SRCIN1: variants seen among roughly 807,000 people sequenced by gnomAD.
The protein encoded by SRCIN1 is P130Cas-associated protein.
Under a neutral mutation model 116.2 loss-of-function variants are expected in SRCIN1, and 50 were observed. The observed-to-expected ratio is 0.43, with a 90% CI of 0.34 to 0.54. SRCIN1 has a LOEUF of 0.54. Among genes scored for constraint, SRCIN1 ranks in the 20% least tolerant of loss-of-function variants. The pLI is 0.02. For synonymous variants in SRCIN1, 736 were observed against 750.0 expected (o/e 0.98, Z 0.30); for missense variants, 1,446 against 1,672.0 (o/e 0.86, Z 2.36).
rs779762192 is a variant in SRCIN1 at position 38,552,397 on chromosome 17, G to C, written c.2480+50C>G. On this transcript the variant is annotated intron_variant, in intron 13 of 18. Transcript: ENST00000617146. This position sits in a 1 kb window ranked among gnomAD's most constrained non-coding sequence, Gnocchi z 5.3. ...AGGGTTCAGTATGACCTATGGGTCT[G>C]GGCCCGGTGTGTGAACCCATGGGAA... The C allele has an allele frequency of 6.4e-7, 1 of 1,563,066 alleles. No individual in the cohort carries two copies. Among genetic ancestry groups the C allele is most frequent in the Non-Finnish European group, 8.6e-7 (1 of 1,156,716 alleles).
chr17:38,549,144 C>A lies in SRCIN1; in HGVS notation c.3029G>T (p.Arg1010Leu). 1 of 599,874 alleles carries A rather than the reference C, an allele frequency of 1.7e-6. No homozygotes were observed. Among genetic ancestry groups the A allele is most frequent in the Non-Finnish European group, 2.9e-6 (1 of 341,914 alleles). The allele number at this position is 599,874 out of a possible 1,614,324, so 37.2% of individuals were successfully genotyped here. A position where few individuals can be genotyped will look rare whatever the true frequency, so the allele number is the denominator to read the frequency against. ...GCCATGGGAGGAGGGGAAGCTCCGGCGGGGAGGGGGCGGTGGGGGCGACTT... is the reference window on the plus strand; with the variant it reads ...GCCATGGGAGGAGGGGAAGCTCCGGAGGGGAGGGGGCGGTGGGGGCGACTT... ...PSKSPPPPPP[R>L]RSFPSSHGLT... Residue 1010 changes from arginine to leucine, a missense_variant, in exon 16 of 19, where the codon CGC (arginine) becomes CTC (leucine). Coordinates refer to ENST00000617146, the MANE Select transcript of SRCIN1 (RefSeq NM_025248.3).
At chr17:38,594,069 T>C (rs1908583952) in intron 1 of SRCIN1, among the ~76,000 whole-genome samples, 2 of 152,178 alleles carry the variant, frequency 1.3e-5, no homozygotes, top group Admixed American at 1.3e-4. Context: ...AACATTCAGG[T>C]CTCAGAGGCC....
At chr17:38,551,514 C>A (rs748860413) in intron 14 of SRCIN1, 125 bp from the exon 15 acceptor site, 2 of 851,150 alleles carry the variant, frequency 2.3e-6, no homozygotes, top group Non-Finnish European at 3.6e-6. Flanking sequence ...TTTGATCCCA[C>A]CTCCAGGAAG....
Position 38,558,301 on chromosome 17 carries a change from C to G in SRCIN1, c.2127G>C (p.Gln709His), listed in dbSNP as rs1448079261. 1.9e-6 allele frequency: 3 copies of G among 1,611,844 alleles called. No individual in the cohort carries two copies. The highest frequency in any genetic ancestry group is 2.2e-5 in the East Asian group (1 of 44,870). The change falls in exon 11 of 19, where the codon CAG (glutamine) becomes CAC (histidine). Residue 709 changes from glutamine to histidine, a missense_variant. Gln to His is a conservative substitution (Grantham distance 24). Transcript: ENST00000617146. This position sits in a 1 kb window ranked among gnomAD's most constrained non-coding sequence, Gnocchi z 4.6. ...CCTCTTCCACCAGGGTGCGCTGCCG[C>G]TGCAGCGGGTCCTCCTGCCGCCGCG... is the stretch of plus-strand genomic sequence containing the variant. The part of the protein sequence containing the change: ...EAARRQEDPL[Q>H]RQRTLVEEER...
chr17:38,554,073 T>C (rs1416308293), intron 11 of SRCIN1, among the ~76,000 whole-genome samples: 1 of 152,066 alleles, frequency 6.6e-6, no homozygotes, highest in Non-Finnish European at 1.5e-5. Context: ...TTGCTGGCCA[T>C]GGTGGCGTGC....
Position 38,563,303 on chromosome 17 carries a change from C to T in SRCIN1, c.740+20G>A. 2 of 1,552,402 alleles carry T rather than the reference C, an allele frequency of 1.3e-6. No homozygotes were observed. Among genetic ancestry groups the T allele is most frequent in the Non-Finnish European group, 1.7e-6 (2 of 1,146,252 alleles). On this transcript the variant is annotated intron_variant, in intron 5 of 18. Transcript: ENST00000617146. The surrounding 1 kb of genome is among the most constrained non-coding windows in gnomAD (Gnocchi z 5.8). ...GGAGCGTGGGGAAGCCCACCCAAAT[C>T]CCCCCCGGTCCACGCCCACCGGACG... is the stretch of plus-strand genomic sequence containing the variant.
At chr17:38,553,845 G>T (rs902427353) in intron 11 of SRCIN1, among the ~76,000 whole-genome samples, 1 of 152,108 alleles carries the variant, frequency 6.6e-6, no homozygotes, top group Admixed American at 6.5e-5. Context: ...CTCTGCCCTT[G>T]CCAGAGGAGA....
intron 18 of SRCIN1, chr17:38,543,207 C>T (rs1487752599): frequency 2.2e-6 from 1 of 456,652 alleles, no homozygotes; most frequent in Non-Finnish European, 4.4e-6. Context: ...AAGTGCCTCG[C>T]CCTGTCCCCA....
chr17:38,601,638 GCACACACACACA>G (rs35202404), intron 1 of SRCIN1, among the ~76,000 whole-genome samples: 4 of 137,784 alleles, frequency 2.9e-5, no homozygotes, highest in African/African-American at 5.2e-5. Context: ...ACACACACAC[GCACACACACACA>G]CACGCTCGCG....
chr17:38,550,138 C>A (rs1905290124), intron 15 of SRCIN1, among the ~76,000 whole-genome samples: 1 of 152,220 alleles, frequency 6.6e-6, no homozygotes, highest in Non-Finnish European at 1.5e-5. Context: ...TCATTTTGAG[C>A]CTATGTCCTT....
At chr17:38,593,861 A>AC (rs1332706412) in intron 1 of SRCIN1, among the ~76,000 whole-genome samples, 2 of 152,010 alleles carry the variant, frequency 1.3e-5, no homozygotes, top group Middle Eastern at 3.4e-3. Context: ...CCCGACTCCC[A>AC]CCCCCTACAC....
Position 38,552,013 on chromosome 17 carries a change from G to A in SRCIN1, c.2600C>T (p.Pro867Leu). The A allele has an allele frequency of 6.2e-7, 1 of 1,613,954 alleles. No homozygotes were observed. Among genetic ancestry groups the A allele is most frequent in the Non-Finnish European group, 8.5e-7 (1 of 1,179,896 alleles). ...SVDFEMPPPS[P>L]PLNLHELSGP... Reference sequence around the variant, plus strand: ...GCTCAGCTCATGCAGGTTCAGCGGGGGGCTGGGGGGTGGCATTTCGAAGTC... The same window carrying A: ...GCTCAGCTCATGCAGGTTCAGCGGGAGGCTGGGGGGTGGCATTTCGAAGTC... Residue 867 changes from proline (P) to leucine (L), a missense_variant, in exon 14 of 19, where the codon CCC becomes CTC. Around this residue, in one of 5 missense-constraint regions of SRCIN1, gnomAD observed 531 missense variants for 633.9 expected, o/e 0.84. Transcript: ENST00000617146. This position sits in a 1 kb window ranked among gnomAD's most constrained non-coding sequence, Gnocchi z 5.3.
intron 18 of SRCIN1, among the ~76,000 whole-genome samples, chr17:38,534,502 G>GA (rs1214102239): frequency 6.6e-6 from 1 of 152,162 alleles, no homozygotes; most frequent in Non-Finnish European, 1.5e-5. Context: ...TGTGAGAACT[G>GA]AATCACCCAG....
At chr17:38,605,251 C>T (rs1398837003) in intron 1 of SRCIN1, among the ~76,000 whole-genome samples, 1 of 151,048 alleles carries the variant, frequency 6.6e-6, no homozygotes, top group Admixed American at 6.6e-5. Context: ...TCTCCATCCC[C>T]TTCCCCTCCC....
chr17:38,590,117 G>A (rs569857638), intron 1 of SRCIN1, among the ~76,000 whole-genome samples: 1 of 152,294 alleles, frequency 6.6e-6, no homozygotes, highest in African/African-American at 2.4e-5. Flanking sequence ...CCCCTTCTGC[G>A]AAAGACACAA....
In SRCIN1 at chr17:38,543,982, G is replaced by A. The variant is rs1273842726; in HGVS notation, c.3271-13C>T. 2 of 1,571,654 alleles carry A rather than the reference G, an allele frequency of 1.3e-6. No homozygotes were observed. Among genetic ancestry groups the A allele is most frequent in the Admixed American group, 1.8e-5 (1 of 55,104 alleles). On this transcript the variant is annotated splice_polypyrimidine_tract_variant and intron_variant, in intron 17 of 18. Coordinates refer to ENST00000617146, the MANE Select transcript of SRCIN1 (RefSeq NM_025248.3). ...TGCCTCCGCCACTCTGCAGGAAGAG[G>A]AACAGGGTTGCAGTTGCAGAGTCCA...
intron 1 of SRCIN1, 130 bp downstream of exon 1, chr17:38,605,553 CG>C: frequency 1.7e-6 from 1 of 584,420 alleles, no homozygotes; most frequent in Non-Finnish European, 2.6e-6. Flanking sequence ...TCCCTCGCCC[CG>C]CCGGCCACCG....
Position 38,602,183 on chromosome 17 carries a change from C to T in SRCIN1, c.22+3501G>A, listed in dbSNP as rs1200881654. 6.6e-6 allele frequency: 1 copy of T among 152,324 alleles called. No homozygotes were observed. The highest frequency in any genetic ancestry group is 6.5e-5 in the Admixed American group (1 of 15,276). The allele number at this position is 152,324 out of a possible 1,614,324, so 9.4% of individuals were successfully genotyped here. On this transcript the variant is annotated intron_variant, in intron 1 of 18. Coordinates refer to ENST00000617146, the MANE Select transcript of SRCIN1 (RefSeq NM_025248.3). This position sits in a 1 kb window ranked among gnomAD's most constrained non-coding sequence, Gnocchi z 4.2. ...GAAACTCCCCTGGCTGCCAGGAACT[C>T]AGTCCTCCCTCCTTCACTGCCTCCC...
In SRCIN1 at chr17:38,552,632, A is replaced by T; in HGVS notation, c.2333-38T>A. 1 of 1,612,920 alleles carries T rather than the reference A, an allele frequency of 6.2e-7. No homozygotes were observed. Among genetic ancestry groups the T allele is most frequent in the Non-Finnish European group, 8.5e-7 (1 of 1,179,792 alleles). On this transcript the variant is annotated intron_variant, in intron 12 of 18. Transcript: ENST00000617146. The surrounding 1 kb of genome is among the most constrained non-coding windows in gnomAD (Gnocchi z 5.3). ...GAAGGCATGAGCTGGGGCCAGAGGG[A>T]GCACCACAGACTGGGAGGAGAGGAT...
Sources: allele counts gnomAD v4.1 joint callset (sites outside exome capture counted in the v4.1 genomes callset), GRCh38; gene constraint gnomAD v4.1.1; regional missense constraint gnomAD v4.1.1; non-coding constraint Gnocchi (gnomAD v3.1); transcripts MANE v1.5; gene names NCBI Gene and HGNC (gene_info 2026-07-23, HGNC 2026-07-21).